CDK14: variants seen among roughly 807,000 people sequenced by gnomAD.
CDK14 encodes the protein cyclin dependent kinase 14.
A neutral mutation model predicts 60.7 loss-of-function variants in CDK14; 34 were observed. The observed-to-expected ratio is 0.56, with a 90% confidence interval of 0.43 to 0.75. The LOEUF (loss-of-function observed/expected upper bound fraction) is 0.75. CDK14 is among the 30% of genes least tolerant of loss of function. The pLI is 0.00. For synonymous variants in CDK14, 197 were observed against 203.7 expected (o/e 0.97, Z 0.28); for missense variants, 482 against 564.1 (o/e 0.85, Z 1.47).
chr7:90,960,684 T>A (rs897088413), intron 9 of CDK14, among the ~76,000 whole-genome samples: 2 of 152,162 alleles, frequency 1.3e-5, no homozygotes, highest in African/African-American at 4.8e-5. Flanking sequence ...CTAATCACCA[T>A]ACATATTGGC....
chr7:91,136,022 A>C (rs760579844), intron 14 of CDK14, among the ~76,000 whole-genome samples: 12 of 152,192 alleles, frequency 7.9e-5, no homozygotes, highest in Non-Finnish European at 1.5e-4. Context: ...GGCTGAAAAA[A>C]AATGAGGCAG....
intron 8 of CDK14, among the ~76,000 whole-genome samples, chr7:90,948,563 C>T (rs1284819569): frequency 6.6e-6 from 1 of 152,222 alleles, no homozygotes; most frequent in Non-Finnish European, 1.5e-5. Flanking sequence ...CTTTTTCTTA[C>T]AGGGCCAGGT....
intron 14 of CDK14, among the ~76,000 whole-genome samples, chr7:91,197,046 T>G (rs921974435): frequency 4.6e-5 from 7 of 152,200 alleles, no homozygotes; most frequent in African/African-American, 1.7e-4. Context: ...TGTTGTTCCT[T>G]TGGTGACCAG....
chr7:90,837,750 G>A (rs1193861201), intron 5 of CDK14, among the ~76,000 whole-genome samples: 3 of 152,098 alleles, frequency 2.0e-5, no homozygotes, highest in Non-Finnish European at 4.4e-5. Flanking sequence ...ACTTGACCTG[G>A]TCAGGGGAAG....
At chr7:90,968,551 A>G (rs1794823702) in intron 9 of CDK14, among the ~76,000 whole-genome samples, 2 of 152,110 alleles carry the variant, frequency 1.3e-5, no homozygotes, top group Non-Finnish European at 2.9e-5. Context: ...TGTTTATATA[A>G]TTGAATTTTC....
chr7:91,079,403 T>A, intron 11 of CDK14, 29 bp from the exon 12 acceptor site: 1 of 1,452,194 alleles, frequency 6.9e-7, no homozygotes, highest in South Asian at 1.2e-5. Flanking sequence ...GATACAAAGA[T>A]TGTTTATCAT....
chr7:91,157,812 A>G (rs1216565725), intron 14 of CDK14, among the ~76,000 whole-genome samples: 1 of 152,176 alleles, frequency 6.6e-6, no homozygotes, highest in Non-Finnish European at 1.5e-5. Flanking sequence ...GGGCATTAGT[A>G]TCTGTAATTC....
chr7:90,793,244 T>C (rs937447018), intron 5 of CDK14, among the ~76,000 whole-genome samples: 1 of 152,206 alleles, frequency 6.6e-6, no homozygotes, highest in African/African-American at 2.4e-5. Flanking sequence ...GATTATTAGA[T>C]ACAGTCTGTT....
At chr7:90,799,888 GA>G (rs1046361951) in intron 5 of CDK14, among the ~76,000 whole-genome samples, 3 of 151,864 alleles carry the variant, frequency 2.0e-5, no homozygotes, top group Non-Finnish European at 4.4e-5. Flanking sequence ...GGGGACATGG[GA>G]AAAAATTTAT....
At chr7:90,600,549 AAAG>A (rs1486300443) in intron 1 of CDK14, among the ~76,000 whole-genome samples, 2 of 152,226 alleles carry the variant, frequency 1.3e-5, no homozygotes, top group African/African-American at 2.4e-5. Context: ...AACTAAATAA[AAAG>A]AAGAGGCTGT....
At chr7:90,871,062 C>T (rs1334997457) in intron 6 of CDK14, among the ~76,000 whole-genome samples, 3 of 152,118 alleles carry the variant, frequency 2.0e-5, no homozygotes, top group Non-Finnish European at 4.4e-5. Context: ...AAAAGTCTGT[C>T]GGGGTGTGCT....
intron 13 of CDK14, among the ~76,000 whole-genome samples, chr7:91,116,296 A>C (rs1799608744): frequency 6.6e-6 from 1 of 152,264 alleles, no homozygotes; most frequent in East Asian, 1.9e-4. Context: ...CAGTGAAAGA[A>C]GGCCAACAAA....
At chr7:90,626,915 G>A (rs148234119) in intron 2 of CDK14, among the ~76,000 whole-genome samples, 39 of 151,408 alleles carry the variant, frequency 2.6e-4, no homozygotes, top group African/African-American at 6.3e-4. Flanking sequence ...CTCCAGTCTC[G>A]GTGATAGAAT....
chr7:91,187,842 A>C (rs887705627), intron 14 of CDK14, among the ~76,000 whole-genome samples: 36 of 152,158 alleles, frequency 2.4e-4, no homozygotes, highest in African/African-American at 8.7e-4. Context: ...ACCCCACCAT[A>C]ATCTTATTAT....
chr7:90,726,606 A>G lies in CDK14; in HGVS notation c.163A>G (p.Met55Val), dbSNP rs759722377. ...GATGTCTACACGGAACTGCCAGGGA[A>G]TGGACTCAGTGATCAAACCCCTGGA... ...TKMSTRNCQG[M>V]DSVIKPLDTI... Residue 55 changes from methionine to valine, a missense_variant, in exon 3 of 15, where the codon ATG (methionine) becomes GTG (valine). Physicochemically the swap from Met to Val is conservative, Grantham distance 21. Coordinates refer to ENST00000380050, the MANE Select transcript of CDK14 (RefSeq NM_001287135.2). The G allele has an allele frequency of 1.5e-5, 24 of 1,613,446 alleles. No homozygotes were observed. In the African/African-American group the frequency reaches 2.5e-4, roughly 17 times the overall value.
intron 4 of CDK14, among the ~76,000 whole-genome samples, chr7:90,752,395 TAAAC>T (rs1315852507): frequency 3.3e-5 from 5 of 152,116 alleles, no homozygotes; most frequent in Non-Finnish European, 1.5e-5. Flanking sequence ...ACATGGAAAT[TAAAC>T]AACTTCCTCC....
At chr7:91,174,413 A>G (rs1040442418) in intron 14 of CDK14, among the ~76,000 whole-genome samples, 5 of 150,780 alleles carry the variant, frequency 3.3e-5, no homozygotes, top group Admixed American at 1.3e-4. Context: ...TCCTCCTCCA[A>G]AGGAACACAG....
At chr7:90,722,629 T>TC (rs1802498450) in intron 2 of CDK14, among the ~76,000 whole-genome samples, 1 of 151,830 alleles carries the variant, frequency 6.6e-6, no homozygotes, top group South Asian at 2.1e-4. Flanking sequence ...ATTTTTTTTT[T>TC]CTCAAAAATT....
At position 90,797,633 on chromosome 7, in the gene CDK14, T is replaced by C. The variant is rs150984038; in HGVS notation, c.544+6981T>C. Reference sequence around the variant, plus strand: ...TCTAAAGAAAAGAGGTTTAATTGGCTCATGGTTCTGCAGGCTGTACCAGAA... The same window carrying C: ...TCTAAAGAAAAGAGGTTTAATTGGCCCATGGTTCTGCAGGCTGTACCAGAA... On this transcript the variant is annotated intron_variant, in intron 5 of 14. Transcript: ENST00000380050. Among the ~76,000 whole-genome samples the C allele has an allele frequency of 2.0e-5, 3 of 152,088 alleles. No homozygotes were observed. The East Asian group carries it at 5.8e-4, about 29-fold the overall frequency.
Sources: allele counts gnomAD v4.1 joint callset (sites outside exome capture counted in the v4.1 genomes callset), GRCh38; gene constraint gnomAD v4.1.1; transcripts MANE v1.5; gene names NCBI Gene and HGNC (gene_info 2026-07-23, HGNC 2026-07-21).